Variants in BCAS1 observed in about 807,000 individuals in gnomAD.
BCAS1 encodes breast carcinoma-amplified sequence 1.
Under a neutral mutation model 65.4 loss-of-function variants are expected in BCAS1, and 46 were observed. That is an observed-to-expected ratio of 0.70 (90% CI 0.55 to 0.90). The LOEUF is 0.90. BCAS1 is among the 40% of genes least tolerant of loss of function. The probability of loss-of-function intolerance (pLI) is 0.00; values close to 1 mark genes in which losing one functional copy is unlikely to be tolerated. For missense variants in BCAS1, 793 were observed against 771.2 expected (o/e 1.03, Z -0.33); for synonymous variants, 298 against 293.5 (o/e 1.02, Z -0.16).
rs563466947 is a variant in BCAS1 at position 54,066,221 on chromosome 20, T to C, written c.-6+4212A>G. 9.9e-4 allele frequency among the ~76,000 whole-genome samples: 151 copies of C among 152,246 alleles called. 2 individuals are homozygous for C. Among genetic ancestry groups the C allele is most frequent in the South Asian group, 6.9e-3 (33 of 4,814 alleles). On this transcript the variant is annotated intron_variant, in intron 1 of 12. Coordinates refer to ENST00000688948, the MANE Select transcript of BCAS1 (RefSeq NM_001366298.2). ...CCGAGTAGCTGGGACTACAGGCGCC[T>C]GCCACCACGCCCGGCTAATTTTTTG...
At chr20:54,020,164 C>T (rs188622824) in intron 4 of BCAS1, among the ~76,000 whole-genome samples, 56 of 152,216 alleles carry the variant, frequency 3.7e-4, no homozygotes, top group African/African-American at 1.3e-3. Flanking sequence ...CATCGGTGAC[C>T]AATTTCCACC....
intron 4 of BCAS1, 68 bp downstream of exon 4, chr20:54,028,324 T>C: frequency 6.5e-7 from 1 of 1,536,328 alleles, no homozygotes; most frequent in Non-Finnish European, 9.0e-7. Flanking sequence ...ATATGTGCAG[T>C]GGTCTTATCC....
At chr20:53,993,661 G>A (rs899875269) in intron 6 of BCAS1, among the ~76,000 whole-genome samples, 1 of 152,156 alleles carries the variant, frequency 6.6e-6, no homozygotes, top group Non-Finnish European at 1.5e-5. Context: ...CCACTGTTTA[G>A]AGCCTTTTAC....
At chr20:54,061,097 T>C (rs938407905) in intron 1 of BCAS1, among the ~76,000 whole-genome samples, 1 of 152,246 alleles carries the variant, frequency 6.6e-6, no homozygotes, top group Non-Finnish European at 1.5e-5. Flanking sequence ...TTGTCTCATG[T>C]AGTCCTATAG....
At chr20:54,002,708 T>C (rs1315812329) in intron 4 of BCAS1, among the ~76,000 whole-genome samples, 7 of 152,220 alleles carry the variant, frequency 4.6e-5, no homozygotes, top group Non-Finnish European at 1.5e-5. Context: ...TAATTAGTGA[T>C]AATGATTATG....
chr20:54,069,448 G>T (rs1439108087), intron 1 of BCAS1, among the ~76,000 whole-genome samples: 1 of 152,148 alleles, frequency 6.6e-6, no homozygotes, highest in Non-Finnish European at 1.5e-5. Context: ...CCATGACTGA[G>T]TTTTTTGGCA....
intron 11 of BCAS1, among the ~76,000 whole-genome samples, chr20:53,956,590 T>G (rs962529228): frequency 2.0e-5 from 3 of 152,196 alleles, no homozygotes; most frequent in African/African-American, 7.2e-5. Context: ...GGAAGTACTT[T>G]TCATAGCTCC....
rs1416932014 is a variant in BCAS1, at chr20:54,037,573, TTTA to T, written c.143-8604_143-8602del. Among the ~76,000 whole-genome samples, 2 of 151,606 alleles carry T rather than the reference TTTA, an allele frequency of 1.3e-5. 1 individual carries two copies. Among genetic ancestry groups the T allele is most frequent in the Non-Finnish European group, 3.0e-5 (2 of 67,718 alleles). Reference sequence around the variant, plus strand: ...TTTATTTATGTATGACATTTGTTTATTTATTATTTATTTATTTGGATAAATGTC... The same window carrying T: ...TTTATTTATGTATGACATTTGTTTATTTATTTATTTATTTGGATAAATGTC... On this transcript the variant is annotated intron_variant, in intron 3 of 12. Coordinates refer to ENST00000688948, the MANE Select transcript of BCAS1 (RefSeq NM_001366298.2).
chr20:54,063,598 T>C (rs1198798405), intron 1 of BCAS1, among the ~76,000 whole-genome samples: 2 of 152,198 alleles, frequency 1.3e-5, no homozygotes, highest in Admixed American at 6.5e-5. Context: ...TAGAAAATAG[T>C]GTGATGGTGA....
chr20:54,051,344 A>G lies in BCAS1; in HGVS notation c.142+6741T>C, dbSNP rs181192689. 3.9e-3 allele frequency among the ~76,000 whole-genome samples: 588 copies of G among 152,330 alleles called. 2 individuals are homozygous for G. Among genetic ancestry groups the G allele is most frequent in the Non-Finnish European group, 7.0e-3 (473 of 68,028 alleles). On this transcript the variant is annotated intron_variant, in intron 3 of 12. Coordinates refer to ENST00000688948, the MANE Select transcript of BCAS1 (RefSeq NM_001366298.2). Reference sequence around the variant, plus strand: ...ACGCAACAGGAGGGTGATGTGCTCAACTGTGAAGTGTGGTCCTACTTGAAG... The same window carrying G: ...ACGCAACAGGAGGGTGATGTGCTCAGCTGTGAAGTGTGGTCCTACTTGAAG...
At position 53,943,911 on chromosome 20, in the gene BCAS1, T is replaced by C. The variant is rs1277671550; in HGVS notation, c.*1011A>G. ...GTATTACAGGATAAAAATGGGGACC[T>C]TGCCGCCCCCTTGTGTTGCAAAATA... On this transcript the variant is annotated 3_prime_UTR_variant, in exon 13 of 13. Coordinates refer to ENST00000688948, the MANE Select transcript of BCAS1 (RefSeq NM_001366298.2). 6.6e-6 allele frequency: 1 copy of C among 152,210 alleles called. No individual in the cohort carries two copies. The highest frequency in any genetic ancestry group is 1.5e-5 in the Non-Finnish European group (1 of 68,026). The allele number at this position is 152,210 out of a possible 1,614,324, so 9.4% of individuals were successfully genotyped here.
intron 9 of BCAS1, among the ~76,000 whole-genome samples, chr20:53,972,614 A>G (rs1225677989): frequency 6.6e-6 from 1 of 152,258 alleles, no homozygotes; most frequent in Non-Finnish European, 1.5e-5. Context: ...TTGAATTCAC[A>G]TCATAAAATA....
chr20:54,022,065 A>C (rs1039186921), intron 4 of BCAS1, among the ~76,000 whole-genome samples: 1 of 152,168 alleles, frequency 6.6e-6, no homozygotes, highest in Non-Finnish European at 1.5e-5. Flanking sequence ...AAGCACAATA[A>C]AGAGAGGTAC....
At chr20:53,993,017 T>C (rs1430359336) in intron 6 of BCAS1, among the ~76,000 whole-genome samples, 2 of 152,194 alleles carry the variant, frequency 1.3e-5, no homozygotes, top group Admixed American at 1.3e-4. Flanking sequence ...AAGTAAAAAA[T>C]ACCTGCAGAC....
intron 8 of BCAS1, among the ~76,000 whole-genome samples, chr20:53,982,106 T>A (rs1283581219): frequency 1.3e-5 from 2 of 152,134 alleles, no homozygotes; most frequent in Non-Finnish European, 2.9e-5. Flanking sequence ...GAAAGGAGGG[T>A]CTTTGAGTGG....
chr20:54,017,471 C>T (rs1196257812), intron 4 of BCAS1, among the ~76,000 whole-genome samples: 3 of 151,454 alleles, frequency 2.0e-5, no homozygotes, highest in Non-Finnish European at 4.4e-5. Context: ...TCTCGGCTCA[C>T]TGCAATCTCC....
chr20:54,045,704 T>C (rs1339239330), intron 3 of BCAS1, among the ~76,000 whole-genome samples: 1 of 152,258 alleles, frequency 6.6e-6, no homozygotes, highest in Admixed American at 6.5e-5. Flanking sequence ...TCCAATGAGA[T>C]GATCAAATAA....
intron 1 of BCAS1, among the ~76,000 whole-genome samples, chr20:54,062,180 C>A (rs1159322160): frequency 1.3e-5 from 2 of 152,114 alleles, no homozygotes; most frequent in African/African-American, 4.8e-5. Flanking sequence ...TGGCTCTTTA[C>A]AGAAAGTTTA....
intron 1 of BCAS1, among the ~76,000 whole-genome samples, chr20:54,067,667 G>C (rs899049): frequency 0.14 from 20,755 of 152,158 alleles, 1,860 homozygotes; most frequent in East Asian, 0.28. Context: ...CCTCCTCCTG[G>C]AAACAGGCCA....
Sources: gnomAD v4.1 joint callset for allele counts (sites outside exome capture counted in the v4.1 genomes callset) on GRCh38, gnomAD v4.1.1 for gene constraint, MANE v1.5 for transcripts, NCBI Gene and HGNC (gene_info 2026-07-23, HGNC 2026-07-21) for gene names.